CNTNAP2: variants seen among roughly 807,000 people sequenced by gnomAD.
The protein encoded by CNTNAP2 is contactin-associated protein-like 2.
CNTNAP2 carries 98 observed loss-of-function variants against 155.2 expected under a neutral mutation model. The ratio of observed to expected loss-of-function variants is 0.63; its 90% CI spans 0.54 to 0.75. The LOEUF is 0.75. Among genes scored for constraint, CNTNAP2 ranks in the 30% least tolerant of loss-of-function variants. The pLI is 0.00. For missense variants in CNTNAP2, 1,727 were observed against 1,688.1 expected (o/e 1.02, Z -0.40); for synonymous variants, 651 against 631.2 (o/e 1.03, Z -0.47).
chr7:146,352,912 G>A lies in CNTNAP2; in HGVS notation c.97+235939G>A, dbSNP rs562178650. ...TAGGACTACAGGCACCCGCCACCAC[G>A]CCCGGCTAATTTTTTGTATTTTTAG... On this transcript the variant is annotated intron_variant, in intron 1 of 23. Transcript: ENST00000361727. 3.3e-5 allele frequency among the ~76,000 whole-genome samples: 5 copies of A among 151,208 alleles called. No individual in the cohort carries two copies. The South Asian group carries it at 6.3e-4, about 19-fold the overall frequency.
intron 1 of CNTNAP2, among the ~76,000 whole-genome samples, chr7:146,672,645 C>T (rs1015928683): frequency 6.6e-6 from 1 of 152,166 alleles, no homozygotes; most frequent in Admixed American, 6.5e-5. Flanking sequence ...CTTATTATTA[C>T]ACTCAAATGG....
chr7:146,355,102 C>T (rs572477335), intron 1 of CNTNAP2, among the ~76,000 whole-genome samples: 1 of 152,242 alleles, frequency 6.6e-6, no homozygotes, highest in South Asian at 2.1e-4. Flanking sequence ...GTAGTTTTAG[C>T]TGTTTGTCCT....
intron 1 of CNTNAP2, among the ~76,000 whole-genome samples, chr7:146,596,005 T>G (rs1494450): frequency 0.46 from 69,684 of 151,828 alleles, 16,472 homozygotes; most frequent in South Asian, 0.55. Context: ...ATTGTAGCAC[T>G]GAAAGTTGTC....
intron 4 of CNTNAP2, among the ~76,000 whole-genome samples, chr7:147,077,930 C>A (rs1438125566): frequency 6.6e-6 from 1 of 152,130 alleles, no homozygotes; most frequent in Non-Finnish European, 1.5e-5. Flanking sequence ...GAACATATCA[C>A]TTTATTCACT....
At chr7:146,273,703 T>C (rs1010335581) in intron 1 of CNTNAP2, among the ~76,000 whole-genome samples, 1 of 152,162 alleles carries the variant, frequency 6.6e-6, no homozygotes, top group African/African-American at 2.4e-5. Flanking sequence ...GATTTTCTTC[T>C]ATTTATAGCA....
At chr7:146,878,446 A>G (rs1468974086) in intron 3 of CNTNAP2, among the ~76,000 whole-genome samples, 1 of 148,246 alleles carries the variant, frequency 6.7e-6, no homozygotes, top group Non-Finnish European at 1.5e-5. Flanking sequence ...AGTACTCTTG[A>G]GTTTTTTTTT....
chr7:146,974,993 C>T (rs1479442399), intron 3 of CNTNAP2, among the ~76,000 whole-genome samples: 2 of 152,044 alleles, frequency 1.3e-5, no homozygotes, highest in African/African-American at 4.8e-5. Context: ...CAAAGCAAAA[C>T]AAGAATAGAC....
At chr7:147,118,245 A>G (rs529205490) in intron 5 of CNTNAP2, among the ~76,000 whole-genome samples, 1 of 152,324 alleles carries the variant, frequency 6.6e-6, no homozygotes, top group African/African-American at 2.4e-5. Context: ...ATAGCTAGAC[A>G]GTATGTCTTC....
chr7:146,228,150 C>T (rs1799325940), intron 1 of CNTNAP2, among the ~76,000 whole-genome samples: 1 of 152,236 alleles, frequency 6.6e-6, no homozygotes, highest in South Asian at 2.1e-4. Context: ...AGCACTATAG[C>T]GTTATAGCTG....
chr7:147,581,981 C>A (rs975402267), intron 12 of CNTNAP2, among the ~76,000 whole-genome samples: 1 of 151,944 alleles, frequency 6.6e-6, no homozygotes, highest in Non-Finnish European at 1.5e-5. Context: ...AAGATATGAA[C>A]AAAGAGATTT....
rs184473555 is a variant in CNTNAP2, at chr7:147,216,973, T to C, written c.1349-83168T>C. Among the ~76,000 whole-genome samples, 17 of 152,138 alleles carry C rather than the reference T, an allele frequency of 1.1e-4. No individual in the cohort carries two copies. In the East Asian group the frequency reaches 3.3e-3, roughly 29 times the overall value. ...GAAGTATGTTCTTAATTTCAAATTC[T>C]ACTTGTTCATTGCTGGTATATAGAA... is the stretch of plus-strand genomic sequence containing the variant. On this transcript the variant is annotated intron_variant, in intron 8 of 23. Transcript: ENST00000361727.
intron 2 of CNTNAP2, among the ~76,000 whole-genome samples, chr7:146,777,214 C>A (rs1802405519): frequency 1.3e-5 from 2 of 152,202 alleles, no homozygotes; most frequent in African/African-American, 4.8e-5. Flanking sequence ...ATCTACACTT[C>A]ATTGTAGCCC....
intron 1 of CNTNAP2, among the ~76,000 whole-genome samples, chr7:146,627,756 G>T (rs1173240426): frequency 6.6e-6 from 1 of 152,004 alleles, no homozygotes; most frequent in Admixed American, 6.6e-5. Context: ...TCCTTATTTA[G>T]GTACAAAAGG....
At chr7:148,263,227 A>T (rs551301731) in intron 20 of CNTNAP2, 1 of 152,154 alleles carries the variant, frequency 6.6e-6, no homozygotes, top group African/African-American at 2.4e-5. Flanking sequence ...ATATTTTCCT[A>T]ACTGAGCAGG....
chr7:147,164,241 T>C (rs1258864463), intron 8 of CNTNAP2, among the ~76,000 whole-genome samples: 1 of 152,234 alleles, frequency 6.6e-6, no homozygotes, highest in Non-Finnish European at 1.5e-5. Context: ...TGACATTATT[T>C]ACTAGGACTG....
intron 17 of CNTNAP2, among the ~76,000 whole-genome samples, chr7:148,159,048 G>T (rs745666908): frequency 6.6e-6 from 1 of 152,092 alleles, no homozygotes; most frequent in African/African-American, 2.4e-5. Context: ...TTAGTATTCC[G>T]CATTCAGATA....
At chr7:147,534,669 A>T (rs963897055) in intron 11 of CNTNAP2, among the ~76,000 whole-genome samples, 1 of 152,216 alleles carries the variant, frequency 6.6e-6, no homozygotes, top group Non-Finnish European at 1.5e-5. Flanking sequence ...TAAAGTTTAA[A>T]GTGGCCTTCG....
chr7:147,018,127 T>C (rs1156904536), intron 3 of CNTNAP2, among the ~76,000 whole-genome samples: 1 of 152,138 alleles, frequency 6.6e-6, no homozygotes, highest in Non-Finnish European at 1.5e-5. Context: ...TTCAGTATGA[T>C]AAGGCACTTA....
intron 1 of CNTNAP2, among the ~76,000 whole-genome samples, chr7:146,341,629 A>AT (rs1794730939): frequency 6.6e-6 from 1 of 152,210 alleles, no homozygotes; most frequent in Non-Finnish European, 1.5e-5. Flanking sequence ...GATTTTAATT[A>AT]TTTTAATGAT....
Sources: gnomAD v4.1 joint callset for allele counts (sites outside exome capture counted in the v4.1 genomes callset) on GRCh38, gnomAD v4.1.1 for gene constraint, MANE v1.5 for transcripts, NCBI Gene and HGNC (gene_info 2026-07-23, HGNC 2026-07-21) for gene names.